Variants in DEPDC5 observed in about 807,000 individuals in gnomAD.
The protein encoded by DEPDC5 is DEP domain containing 5, GATOR1 subcomplex subunit.
In DEPDC5, 73 loss-of-function variants were observed where a neutral mutation model predicts 217.3. The ratio of observed to expected loss-of-function variants is 0.34; its 90% CI spans 0.28 to 0.41. The LOEUF (loss-of-function observed/expected upper bound fraction) is 0.41, where lower values mean the gene tolerates loss of function less well. DEPDC5 is among the 10% of genes least tolerant of loss of function. The probability of loss-of-function intolerance (pLI) is 1.00; values close to 1 mark genes in which losing one functional copy is unlikely to be tolerated. For missense variants in DEPDC5, 1,675 were observed against 2,070.1 expected (o/e 0.81, Z 3.70); for synonymous variants, 733 against 756.7 (o/e 0.97, Z 0.51).
In DEPDC5 at chr22:31,819,263, G is replaced by A. The variant is rs757049930; in HGVS notation, c.1870+38G>A. The A allele has an allele frequency of 4.4e-6, 7 of 1,608,918 alleles. No individual in the cohort carries two copies. In the African/African-American group the frequency reaches 8.0e-5, roughly 18 times the overall value. ...CTTAAGAGAGAGCCTTGGACTAGGAGCTCCTAGCCCTGGTCCTCAGTGTCG... is the reference window on the plus strand; with the variant it reads ...CTTAAGAGAGAGCCTTGGACTAGGAACTCCTAGCCCTGGTCCTCAGTGTCG... On this transcript the variant is annotated intron_variant, in intron 22 of 42. Transcript: ENST00000651528.
chr22:31,838,875 T>C (rs1378762928), intron 27 of DEPDC5, 30 bp downstream of exon 27: 4 of 1,603,922 alleles, frequency 2.5e-6, no homozygotes. Context: ...TTTCTATTTT[T>C]TTCTCTTCTA....
chr22:31,861,491 C>G, intron 33 of DEPDC5, 58 bp downstream of exon 33: 9 of 1,533,370 alleles, frequency 5.9e-6, no homozygotes, highest in Non-Finnish European at 8.0e-6. Context: ...CATGAGCTGG[C>G]CTTCTGTTAG....
rs375999617 is a variant in DEPDC5 at position 31,760,614 on chromosome 22, C to T, written c.147-42C>T. 4.5e-4 allele frequency: 708 copies of T among 1,584,414 alleles called. 1 individual carries two copies. The highest frequency in any genetic ancestry group is 5.1e-4 in the Non-Finnish European group (586 of 1,160,100). On this transcript the variant is annotated intron_variant, in intron 3 of 42. Coordinates refer to ENST00000651528, the MANE Select transcript of DEPDC5 (RefSeq NM_001242896.3). ...GGGGATGAAGGTTGCTAGGGAGTTA[C>T]TGTTCACGGTATCCCAACTCTCTTG...
chr22:31,840,099 A>G (rs191895156), intron 27 of DEPDC5, among the ~76,000 whole-genome samples: 7 of 152,330 alleles, frequency 4.6e-5, no homozygotes, highest in Admixed American at 4.6e-4. Context: ...AACATTAGTC[A>G]AACTATGAAA....
At chr22:31,870,908 A>T (rs1415810158) in intron 34 of DEPDC5, among the ~76,000 whole-genome samples, 164 bp downstream of exon 34, 1 of 152,218 alleles carries the variant, frequency 6.6e-6, no homozygotes, top group Non-Finnish European at 1.5e-5. Flanking sequence ...GTATGATGGG[A>T]CTAATGATCT....
At chr22:31,784,016 T>C in intron 9 of DEPDC5, 31 bp downstream of exon 9, 1 of 1,574,494 alleles carries the variant, frequency 6.4e-7, no homozygotes, top group Non-Finnish European at 8.6e-7. Context: ...TTGTAACTGC[T>C]AAGGGGAGAA....
intron 38 of DEPDC5, among the ~76,000 whole-genome samples, chr22:31,884,276 C>T (rs946544398): frequency 3.3e-5 from 5 of 152,216 alleles, no homozygotes; most frequent in African/African-American, 1.2e-4. Flanking sequence ...CAGTGTAGCA[C>T]TTTGGCAGTC....
intron 37 of DEPDC5, among the ~76,000 whole-genome samples, chr22:31,878,206 TACATG>T (rs2093059560): frequency 1.3e-5 from 2 of 151,870 alleles, no homozygotes; most frequent in Non-Finnish European, 2.9e-5. Flanking sequence ...AAAAGAATCT[TACATG>T]AGATGAAGCA....
intron 27 of DEPDC5, among the ~76,000 whole-genome samples, chr22:31,841,348 T>C (rs2091381752): frequency 6.6e-6 from 1 of 152,248 alleles, no homozygotes; most frequent in Non-Finnish European, 1.5e-5. Context: ...TGTCACTGTG[T>C]GACTGTCTCA....
Position 31,907,400 on chromosome 22 carries a change from T to G in DEPDC5, c.*903T>G, listed in dbSNP as rs1418126778. The G allele has an allele frequency of 9.9e-5, 15 of 152,196 alleles. No homozygotes were observed. The highest frequency in any genetic ancestry group is 3.9e-4 in the Admixed American group (6 of 15,278). The allele number at this position is 152,196 out of a possible 1,614,324, so 9.4% of individuals were successfully genotyped here. A position where few individuals can be genotyped will look rare whatever the true frequency, so the allele number is the denominator to read the frequency against. On this transcript the variant is annotated 3_prime_UTR_variant, in exon 43 of 43. Coordinates refer to ENST00000651528, the MANE Select transcript of DEPDC5 (RefSeq NM_001242896.3). ...TTTTGTTGTTGTTTTTTTTGTTGTT[T>G]TTTTTGACACAGTTTTCACTCTTGT...
intron 4 of DEPDC5, among the ~76,000 whole-genome samples, chr22:31,761,286 A>G (rs891540509): frequency 6.6e-6 from 1 of 151,976 alleles, no homozygotes; most frequent in Non-Finnish European, 1.5e-5. Context: ...CAGCCTGAAC[A>G]TTGTATTTTT....
At chr22:31,864,519 TA>T (rs1569144587) in intron 33 of DEPDC5, among the ~76,000 whole-genome samples, 5 of 133,496 alleles carry the variant, frequency 3.7e-5, no homozygotes, top group Non-Finnish European at 7.9e-5. Flanking sequence ...TATATATATA[TA>T]TATATTTATA....
rs140712111 is a variant in DEPDC5 at position 31,862,942 on chromosome 22, C to T, written c.3330+1509C>T. Among the ~76,000 whole-genome samples the T allele has an allele frequency of 4.8e-3, 738 of 152,288 alleles. 1 individual carries two copies. Among genetic ancestry groups the T allele is most frequent in the African/African-American group, 0.015 (630 of 41,556 alleles). On this transcript the variant is annotated intron_variant, in intron 33 of 42. Coordinates refer to ENST00000651528, the MANE Select transcript of DEPDC5 (RefSeq NM_001242896.3). ...TTTTTTTTAGAGGTAGTATCTTACT[C>T]GGTTGTCCAGGCTGGAGTCCAGCCT...
At chr22:31,820,371 CA>C (rs1282033439) in intron 22 of DEPDC5, among the ~76,000 whole-genome samples, 4 of 152,196 alleles carry the variant, frequency 2.6e-5, no homozygotes. Context: ...CCCGGCTTCC[CA>C]GTGTGCTGGC....
intron 33 of DEPDC5, 122 bp downstream of exon 33, chr22:31,861,555 G>T: frequency 9.8e-7 from 1 of 1,018,094 alleles, no homozygotes; most frequent in Non-Finnish European, 1.5e-6. Context: ...AGTTGAACTT[G>T]AATTTGGTCT....
intron 6 of DEPDC5, among the ~76,000 whole-genome samples, chr22:31,767,112 T>A (rs2082883754): frequency 6.6e-6 from 1 of 152,050 alleles, no homozygotes; most frequent in South Asian, 2.1e-4. Context: ...CTTTTTGCTA[T>A]ACCCTCTTCC....
chr22:31,801,153 A>G (rs939801343), intron 14 of DEPDC5, among the ~76,000 whole-genome samples: 4 of 151,512 alleles, frequency 2.6e-5, no homozygotes, highest in African/African-American at 9.7e-5. Context: ...AAAACTTGCC[A>G]GGCATGGTGG....
intron 39 of DEPDC5, among the ~76,000 whole-genome samples, chr22:31,895,101 G>A (rs892518596): frequency 4.9e-5 from 7 of 142,478 alleles, no homozygotes; most frequent in Non-Finnish European, 1.0e-4. Context: ...CTGAGATCGC[G>A]CCATTGCACT....
chr22:31,856,646 T>C (rs2149110942), intron 31 of DEPDC5, among the ~76,000 whole-genome samples: 1 of 152,298 alleles, frequency 6.6e-6, no homozygotes, highest in Admixed American at 6.5e-5. Context: ...TATGAGATAA[T>C]GTCTGTTAGT....
Sources: allele counts gnomAD v4.1 joint callset (sites outside exome capture counted in the v4.1 genomes callset), GRCh38; gene constraint gnomAD v4.1.1; transcripts MANE v1.5; gene names NCBI Gene and HGNC (gene_info 2026-07-23, HGNC 2026-07-21).